The following PTPRT variants were observed in gnomAD, a reference collection of about 807,000 sequenced individuals.
PTPRT encodes the protein receptor-type tyrosine-protein phosphatase T.
In PTPRT, 56 loss-of-function variants were observed where a neutral mutation model predicts 176.8. That is an observed-to-expected ratio of 0.32 (90% CI 0.26 to 0.40). PTPRT has a LOEUF of 0.40. Ranked by LOEUF, PTPRT falls within the 10% of genes least tolerant of loss-of-function variation. The pLI, the probability that PTPRT is intolerant of heterozygous loss-of-function variation, is 1.00. For synonymous variants in PTPRT, 783 were observed against 739.0 expected, an observed-to-expected ratio of 1.06 and a Z score of -0.96; for missense variants, 1,540 against 1,908.2, an observed-to-expected ratio of 0.81 and a Z score of 3.60.
At chr20:43,083,667 A>G (rs2011528399) in intron 1 of PTPRT, among the ~76,000 whole-genome samples, 1 of 151,966 alleles carries the variant, frequency 6.6e-6, no homozygotes, top group Non-Finnish European at 1.5e-5. Context: ...CCTTAAATGT[A>G]TAATTTAATG....
chr20:42,864,442 T>C (rs2145802887), intron 2 of PTPRT, among the ~76,000 whole-genome samples: 1 of 152,316 alleles, frequency 6.6e-6, no homozygotes, highest in Middle Eastern at 3.4e-3. Flanking sequence ...GTCCCAGCTC[T>C]GAGACAGGAC....
chr20:42,725,841 C>T (rs1485932165), intron 6 of PTPRT, among the ~76,000 whole-genome samples: 1 of 151,818 alleles, frequency 6.6e-6, no homozygotes, highest in Admixed American at 6.6e-5. Flanking sequence ...TAATATACAT[C>T]ATTCTATTAC....
chr20:43,019,927 T>G (rs1985578850), intron 1 of PTPRT, among the ~76,000 whole-genome samples: 1 of 151,900 alleles, frequency 6.6e-6, no homozygotes, highest in Non-Finnish European at 1.5e-5. Flanking sequence ...GGTCTCAGAT[T>G]GACAGATTGA....
chr20:42,394,194 G>A (rs574303978), intron 9 of PTPRT, among the ~76,000 whole-genome samples: 221 of 152,082 alleles, frequency 1.5e-3, no homozygotes, highest in Middle Eastern at 0.01. Context: ...ACTGATTTGC[G>A]TGGTATTTAC....
chr20:42,273,163 G>A (rs779908905), intron 13 of PTPRT, among the ~76,000 whole-genome samples: 1 of 152,078 alleles, frequency 6.6e-6, no homozygotes, highest in African/African-American at 2.4e-5. Flanking sequence ...AAGTACTTTC[G>A]ATACATTTTC....
At chr20:42,943,697 G>A (rs372030624) in intron 1 of PTPRT, among the ~76,000 whole-genome samples, 22 of 152,070 alleles carry the variant, frequency 1.4e-4, no homozygotes, top group African/African-American at 4.6e-4. Context: ...AGTTAATCTC[G>A]TTCAACATAT....
At chr20:42,040,725 CAT>C in the PTPRT span, among the ~76,000 whole-genome samples, 26 of 152,156 alleles carry the variant, frequency 1.7e-4, no homozygotes, top group African/African-American at 6.0e-4. Flanking sequence ...CAAGATCTGA[CAT>C]AAATACATCA....
intron 7 of PTPRT, among the ~76,000 whole-genome samples, chr20:42,645,327 T>C (rs944643486): frequency 6.6e-6 from 1 of 152,154 alleles, no homozygotes; most frequent in Non-Finnish European, 1.5e-5. Context: ...GCGACCCTCA[T>C]CCAATGTCGG....
intron 9 of PTPRT, among the ~76,000 whole-genome samples, chr20:42,435,377 C>T (rs1307480781): frequency 1.3e-5 from 2 of 152,170 alleles, no homozygotes; most frequent in African/African-American, 4.8e-5. Flanking sequence ...AGGCAGGGCC[C>T]TTCTGAGGTG....
At chr20:42,725,625 G>A (rs925383623) in intron 6 of PTPRT, among the ~76,000 whole-genome samples, 7 of 152,036 alleles carry the variant, frequency 4.6e-5, no homozygotes, top group African/African-American at 1.7e-4. Flanking sequence ...TGCTGCAGTA[G>A]CAAAGTTCCA....
At chr20:42,142,519 G>A (rs1264772167) in intron 17 of PTPRT, among the ~76,000 whole-genome samples, 1 of 152,152 alleles carries the variant, frequency 6.6e-6, no homozygotes, top group East Asian at 1.9e-4. Context: ...CACTCTGGGA[G>A]GGCTTCTCCA....
intron 6 of PTPRT, among the ~76,000 whole-genome samples, chr20:42,748,236 T>C (rs529645963): frequency 8.0e-4 from 122 of 152,218 alleles, no homozygotes; most frequent in African/African-American, 2.8e-3. Context: ...ATGTTGACAA[T>C]AGAGGTGGTG....
chr20:42,035,258 G>T, the PTPRT span, among the ~76,000 whole-genome samples: 7 of 152,014 alleles, frequency 4.6e-5, no homozygotes, highest in African/African-American at 9.7e-5. Flanking sequence ...TTCCTAATTT[G>T]CATGACAGCC....
Position 42,079,278 on chromosome 20 carries a change from A to C in PTPRT, c.*1601T>G, listed in dbSNP as rs1349120663. ...ACTGGCATCAGGAAGAAAGTACTAA[A>C]TTTCCATTTGTGGAGTTATCTGCTC... On this transcript the variant is annotated 3_prime_UTR_variant, in exon 31 of 31. Transcript: ENST00000373187. 1 of 207,572 alleles carries C rather than the reference A, an allele frequency of 4.8e-6. No homozygotes were observed. Among genetic ancestry groups the C allele is most frequent in the Non-Finnish European group, 9.8e-6 (1 of 101,850 alleles). The allele number at this position is 207,572 out of a possible 1,614,324, so 12.9% of individuals were successfully genotyped here.
At chr20:42,345,575 CAT>C (rs72419296) in intron 11 of PTPRT, among the ~76,000 whole-genome samples, 31,198 of 108,854 alleles carry the variant, frequency 0.29, 5,125 homozygotes, top group East Asian at 0.69. Flanking sequence ...TATATACATA[CAT>C]ATATATGTGT....
chr20:42,212,301 T>TAAAAAAAAAAAAAAGAAA (rs2055657214), intron 15 of PTPRT, among the ~76,000 whole-genome samples: 1 of 52,998 alleles, frequency 1.9e-5, no homozygotes, highest in Non-Finnish European at 4.4e-5. Context: ...ACTTAAAGTA[T>TAAAAAAAAAAAAAAGAAA]AAAAAAAAAA....
intron 12 of PTPRT, among the ~76,000 whole-genome samples, chr20:42,288,613 G>A (rs2057269880): frequency 1.3e-5 from 2 of 152,092 alleles, no homozygotes; most frequent in Admixed American, 6.6e-5. Flanking sequence ...CAGAACATGT[G>A]GCATTTGATT....
intron 9 of PTPRT, among the ~76,000 whole-genome samples, chr20:42,362,772 C>G (rs1384866344): frequency 6.6e-6 from 1 of 152,104 alleles, no homozygotes; most frequent in Non-Finnish European, 1.5e-5. Flanking sequence ...AAACTCCATA[C>G]TAATCTTGCA....
intron 1 of PTPRT, among the ~76,000 whole-genome samples, chr20:43,037,322 G>A (rs1986422420): frequency 6.6e-6 from 1 of 152,188 alleles, no homozygotes; most frequent in Non-Finnish European, 1.5e-5. Flanking sequence ...AATCAAAACT[G>A]ATTTGACTAC....
Sources: allele counts gnomAD v4.1 joint callset (sites outside exome capture counted in the v4.1 genomes callset), GRCh38; gene constraint gnomAD v4.1.1; transcripts MANE v1.5; gene names NCBI Gene and HGNC (gene_info 2026-07-23, HGNC 2026-07-21).